ZIC1: variants seen among roughly 807,000 people sequenced by gnomAD.
ZIC1 encodes the protein Zic family zinc finger 1.
A neutral mutation model predicts 30.9 loss-of-function variants in ZIC1; 4 were observed. The observed-to-expected ratio is 0.13, with a 90% confidence interval of 0.06 to 0.30. The LOEUF is 0.30. Ranked by LOEUF, ZIC1 falls within the 10% of genes least tolerant of loss-of-function variation. The probability of loss-of-function intolerance (pLI) is 1.00; values close to 1 mark genes in which losing one functional copy is unlikely to be tolerated. For missense variants in ZIC1, 441 were observed against 639.3 expected, an observed-to-expected ratio of 0.69 and a Z score of 3.34; for synonymous variants, 305 against 277.5, an observed-to-expected ratio of 1.10 and a Z score of -0.98.
At position 147,414,122 on chromosome 3, in the gene ZIC1, T is replaced by C. The variant is rs889147653; in HGVS notation, c.*571T>C. The C allele has an allele frequency of 6.6e-6, 1 of 152,282 alleles. No homozygotes were observed. The highest frequency in any genetic ancestry group is 1.5e-5 in the Non-Finnish European group (1 of 67,958). 9.4% of individuals were successfully genotyped at this position (152,282 alleles called of 1,614,324 possible). A position where few individuals can be genotyped will look rare whatever the true frequency, so the allele number is the denominator to read the frequency against. ...TGGCAAGAATGTTCTAGTAAATGTG[T>C]ACCAAAATGTGAATTACTTTGTACG... On this transcript the variant is annotated 3_prime_UTR_variant, in exon 3 of 3. Transcript: ENST00000282928.
chr3:147,411,145 C>T (rs899861671), intron 1 of ZIC1, 51 bp downstream of exon 1: 6 of 1,553,082 alleles, frequency 3.9e-6, no homozygotes, highest in African/African-American at 1.4e-5. Context: ...GGCCTGGGAC[C>T]CAAACCGAAA....
In ZIC1 at chr3:147,413,394, C is replaced by G. The variant is rs775491736; in HGVS notation, c.1187C>G (p.Ala396Gly). ...SSSQGSQPSP[A>G]ASSGYESSTP... ...TCGCAGGGCTCGCAGCCTTCGCCGG[C>G]CGCCAGCTCTGGCTACGAATCCTCC... The change falls in exon 3 of 3, where the codon GCC (alanine) becomes GGC (glycine). Residue 396 changes from alanine (A) to glycine (G), a missense_variant. Around this residue, in one of 5 missense-constraint regions of ZIC1, gnomAD observed 31 missense variants for 65.2 expected, o/e 0.48. Transcript: ENST00000282928. The G allele has an allele frequency of 1.9e-6, 3 of 1,614,060 alleles. No homozygotes were observed. The South Asian group carries it at 3.3e-5, about 18-fold the overall frequency.
At position 147,410,538 on chromosome 3, in the gene ZIC1, C is replaced by T; in HGVS notation, c.426C>T (p.Leu142=). ...HGHTDAAGHL[L]FPGLHEQAAG... The stretch of plus-strand genomic sequence containing the variant: ...ACACGGACGCCGCGGGCCACCTCCT[C>T]TTCCCCGGGCTTCACGAGCAGGCTG... Residue 142 remains leucine, a synonymous_variant, in exon 1 of 3, where the codon CTC becomes CTT. Coordinates refer to ENST00000282928, the MANE Select transcript of ZIC1 (RefSeq NM_003412.4). The T allele has an allele frequency of 3.7e-6, 6 of 1,610,214 alleles. No homozygotes were observed. The highest frequency in any genetic ancestry group is 5.1e-6 in the Non-Finnish European group (6 of 1,179,162).
intron 1 of ZIC1, 41 bp downstream of exon 1, chr3:147,411,135 G>T (rs1435746163): frequency 3.2e-6 from 5 of 1,568,194 alleles, no homozygotes; most frequent in Admixed American, 1.8e-5. Context: ...TTCCCACTTG[G>T]GCCTGGGACC....
At position 147,410,190 on chromosome 3, in the gene ZIC1, C is replaced by G. The variant is rs1213192901; in HGVS notation, c.78C>G (p.Gly26=). The G allele has an allele frequency of 6.2e-7, 1 of 1,600,582 alleles. No homozygotes were observed. The highest frequency in any genetic ancestry group is 2.2e-5 in the East Asian group (1 of 44,790). ...TFGASRHHSA[G]DVAERDVGLG... ...GCGCGTCCCGCCACCACTCCGCGGG[C>G]GACGTGGCCGAACGAGACGTGGGCC... The change falls in exon 1 of 3, where the codon GGC becomes GGG. Residue 26 remains glycine (G), a synonymous_variant. Transcript: ENST00000282928.
At position 147,413,466 on chromosome 3, in the gene ZIC1, G is replaced by T; in HGVS notation, c.1259G>T (p.Ser420Ile). The change falls in exon 3 of 3, where the codon AGC becomes ATC. Residue 420 changes from serine (S) to isoleucine (I), a missense_variant. Ser to Ile is a moderately radical substitution (Grantham distance 142). Transcript: ENST00000282928. ...CCCTCCACAGACAACCCGACCACAA[G>T]CTCCTTATCGCCCTCCTCCTCCGCA... is the stretch of plus-strand genomic sequence containing the variant. ...VSPSTDNPTT[S>I]SLSPSSSAVH... The T allele has an allele frequency of 6.2e-7, 1 of 1,614,134 alleles. No homozygotes were observed. The highest frequency in any genetic ancestry group is 1.1e-5 in the South Asian group (1 of 91,078).
At position 147,410,828 on chromosome 3, in the gene ZIC1, A is replaced by T; in HGVS notation, c.716A>T (p.Lys239Ile). The T allele has an allele frequency of 6.2e-7, 1 of 1,614,228 alleles. No homozygotes were observed. Among genetic ancestry groups the T allele is most frequent in the Non-Finnish European group, 8.5e-7 (1 of 1,180,040 alleles). ...GAGCCCGAGCAGCTGGCCAACCCCAAAAAGTCGTGCAACAAAACTTTCAGC... is the reference window on the plus strand; with the variant it reads ...GAGCCCGAGCAGCTGGCCAACCCCATAAAGTCGTGCAACAAAACTTTCAGC... The part of the protein sequence containing the change: ...WIEPEQLANP[K>I]KSCNKTFSTM... Residue 239 changes from lysine to isoleucine, a missense_variant, in exon 1 of 3, where the codon AAA (lysine) becomes ATA (isoleucine). Lys to Ile is a moderately radical substitution (Grantham distance 102, BLOSUM62 -3). Coordinates refer to ENST00000282928, the MANE Select transcript of ZIC1 (RefSeq NM_003412.4).
In ZIC1 at chr3:147,409,916, G is replaced by A; in HGVS notation, c.-197G>A. On this transcript the variant is annotated 5_prime_UTR_variant, in exon 1 of 3. Coordinates refer to ENST00000282928, the MANE Select transcript of ZIC1 (RefSeq NM_003412.4). Reference sequence around the variant, plus strand: ...CAGCCGTCCGGCTACTTTGCGTTTGGCCCGGCCAGCGCCCGGGCGCGCCGC... The same window carrying A: ...CAGCCGTCCGGCTACTTTGCGTTTGACCCGGCCAGCGCCCGGGCGCGCCGC... The A allele has an allele frequency of 1.7e-6, 1 of 583,170 alleles. No individual in the cohort carries two copies. Among genetic ancestry groups the A allele is most frequent in the Non-Finnish European group, 2.8e-6 (1 of 357,418 alleles). The allele number at this position is 583,170 out of a possible 1,614,324, so 36.1% of individuals were successfully genotyped here.
At chr3:147,413,267 G>T in intron 2 of ZIC1, 87 bp from the exon 3 acceptor site, 1 of 1,459,920 alleles carries the variant, frequency 6.8e-7, no homozygotes, top group Non-Finnish European at 9.3e-7. Context: ...AGGGGTCCAG[G>T]AGGAAGGGCA....
In ZIC1 at chr3:147,409,890, G is replaced by A. The variant is rs988777971; in HGVS notation, c.-223G>A. 1.7e-5 allele frequency: 9 copies of A among 525,284 alleles called. No individual in the cohort carries two copies. The highest frequency in any genetic ancestry group is 1.4e-4 in the African/African-American group (7 of 49,262). 32.5% of individuals were successfully genotyped at this position (525,284 alleles called of 1,614,324 possible). ...CTGGAGCCTGCGTTACTCGCGGCCCGCAGCCGTCCGGCTACTTTGCGTTTG... is the reference window on the plus strand; with the variant it reads ...CTGGAGCCTGCGTTACTCGCGGCCCACAGCCGTCCGGCTACTTTGCGTTTG... On this transcript the variant is annotated 5_prime_UTR_variant, in exon 1 of 3. Coordinates refer to ENST00000282928, the MANE Select transcript of ZIC1 (RefSeq NM_003412.4).
At position 147,409,542 on chromosome 3, in the gene ZIC1, T is replaced by A. The variant is rs1384525506; in HGVS notation, c.-571T>A. On this transcript the variant is annotated 5_prime_UTR_variant, in exon 1 of 3. Coordinates refer to ENST00000282928, the MANE Select transcript of ZIC1 (RefSeq NM_003412.4). The stretch of plus-strand genomic sequence containing the variant: ...CCCCCCCACCCACTTTTTTTTTTTT[T>A]TTTTTCAAAAAGCAGAGAGGGAAAA... The A allele has an allele frequency of 8.6e-5, 13 of 151,954 alleles. No homozygotes were observed. The highest frequency in any genetic ancestry group is 8.5e-4 in the Admixed American group (13 of 15,228). The allele number at this position is 151,954 out of a possible 1,614,324, so 9.4% of individuals were successfully genotyped here.
intron 1 of ZIC1, among the ~76,000 whole-genome samples, chr3:147,411,516 A>C (rs748423482): frequency 3.3e-5 from 5 of 152,178 alleles, no homozygotes; most frequent in East Asian, 1.9e-4. Flanking sequence ...GGACTTTGCC[A>C]AAGGAAAGAG....
rs757037348 is a variant in ZIC1, at chr3:147,413,527, C to T, written c.1320C>T (p.Ser440=). The T allele has an allele frequency of 1.2e-6, 2 of 1,614,082 alleles. No homozygotes were observed. The highest frequency in any genetic ancestry group is 2.2e-5 in the East Asian group (1 of 44,856). ...CAGCCGGCCACAGTGCGCTCTCTTC[C>T]AATTTTAACGAATGGTACGTTTAAA... is the stretch of plus-strand genomic sequence containing the variant. ...HHTAGHSALS[S]NFNEWYV The change falls in exon 3 of 3, where the codon TCC becomes TCT. Residue 440 remains serine, a synonymous_variant. Coordinates refer to ENST00000282928, the MANE Select transcript of ZIC1 (RefSeq NM_003412.4).
chr3:147,413,496 A>G lies in ZIC1; in HGVS notation c.1289A>G (p.His430Arg). 3.1e-6 allele frequency: 5 copies of G among 1,614,112 alleles called. No individual in the cohort carries two copies. Among genetic ancestry groups the G allele is most frequent in the Admixed American group, 1.7e-5 (1 of 60,018 alleles). ...SSLSPSSSAV[H>R]HTAGHSALSS... Reference sequence around the variant, plus strand: ...TTATCGCCCTCCTCCTCCGCAGTCCACCACACAGCCGGCCACAGTGCGCTC... The same window carrying G: ...TTATCGCCCTCCTCCTCCGCAGTCCGCCACACAGCCGGCCACAGTGCGCTC... The change falls in exon 3 of 3, where the codon CAC becomes CGC. Residue 430 changes from histidine to arginine, a missense_variant. Physicochemically the swap from His to Arg is conservative, Grantham distance 29. Transcript: ENST00000282928.
In ZIC1 at chr3:147,414,165, G is replaced by C. The variant is rs1466929699; in HGVS notation, c.*614G>C. The stretch of plus-strand genomic sequence containing the variant: ...TTTGTACGATTACAGTCTCCACGTC[G>C]ACCTAACCCAATATTATTGGTATTA... On this transcript the variant is annotated 3_prime_UTR_variant, in exon 3 of 3. Coordinates refer to ENST00000282928, the MANE Select transcript of ZIC1 (RefSeq NM_003412.4). 6.6e-6 allele frequency: 1 copy of C among 152,354 alleles called. No individual in the cohort carries two copies. Among genetic ancestry groups the C allele is most frequent in the African/African-American group, 2.4e-5 (1 of 41,330 alleles). 9.4% of individuals were successfully genotyped at this position (152,354 alleles called of 1,614,324 possible).
chr3:147,409,910 C>T lies in ZIC1; in HGVS notation c.-203C>T. ...GGCCCGCAGCCGTCCGGCTACTTTG[C>T]GTTTGGCCCGGCCAGCGCCCGGGCG... On this transcript the variant is annotated 5_prime_UTR_variant, in exon 1 of 3. Coordinates refer to ENST00000282928, the MANE Select transcript of ZIC1 (RefSeq NM_003412.4). 5.4e-6 allele frequency: 3 copies of T among 560,516 alleles called. No homozygotes were observed. Among genetic ancestry groups the T allele is most frequent in the East Asian group, 3.4e-5 (1 of 29,412 alleles). The allele number at this position is 560,516 out of a possible 1,614,324, so 34.7% of individuals were successfully genotyped here.
At position 147,413,997 on chromosome 3, in the gene ZIC1, C is replaced by A; in HGVS notation, c.*446C>A. On this transcript the variant is annotated 3_prime_UTR_variant, in exon 3 of 3. Transcript: ENST00000282928. ...TTGGAGCGGGTGGGTGGGATTGTGG[C>A]GTTGTGGTCTTTGCATTGGGGGAGG... 8.6e-6 allele frequency: 1 copy of A among 116,130 alleles called. No individual in the cohort carries two copies. Among genetic ancestry groups the A allele is most frequent in the South Asian group, 2.9e-4 (1 of 3,480 alleles). 7.2% of individuals were successfully genotyped at this position (116,130 alleles called of 1,614,324 possible). A position where few individuals can be genotyped will look rare whatever the true frequency, so the allele number is the denominator to read the frequency against.
Position 147,409,991 on chromosome 3 carries a change from C to A in ZIC1, c.-122C>A. On this transcript the variant is annotated 5_prime_UTR_variant, in exon 1 of 3. Coordinates refer to ENST00000282928, the MANE Select transcript of ZIC1 (RefSeq NM_003412.4). Reference sequence around the variant, plus strand: ...CGCGAGGTGGGTCGACTCCCCCTCCCTCCTCCTCTTCTTCCTCCTCTTCCT... The same window carrying A: ...CGCGAGGTGGGTCGACTCCCCCTCCATCCTCCTCTTCTTCCTCCTCTTCCT... 1 of 1,118,598 alleles carries A rather than the reference C, an allele frequency of 8.9e-7. No homozygotes were observed. 69.3% of individuals were successfully genotyped at this position (1,118,598 alleles called of 1,614,324 possible). A position where few individuals can be genotyped will look rare whatever the true frequency, so the allele number is the denominator to read the frequency against.
chr3:147,411,194 T>A (rs1408019913), intron 1 of ZIC1, 100 bp downstream of exon 1: 8 of 1,485,530 alleles, frequency 5.4e-6, no homozygotes, highest in Non-Finnish European at 7.2e-6. Context: ...CTCGGTGGGA[T>A]CCCGGGCGTC....
Sources: gnomAD v4.1 joint callset for allele counts (sites outside exome capture counted in the v4.1 genomes callset) on GRCh38, gnomAD v4.1.1 for gene constraint, gnomAD v4.1.1 regional missense constraint, MANE v1.5 for transcripts, NCBI Gene and HGNC (gene_info 2026-07-23, HGNC 2026-07-21) for gene names.